Variants in SEM1 observed in about 807,000 individuals in gnomAD.
The protein encoded by SEM1 is SEM1 26S proteasome subunit.
SEM1 carries 3 observed loss-of-function variants against 12.7 expected under a neutral mutation model. The observed-to-expected ratio is 0.24, with a 90% CI of 0.11 to 0.61. The LOEUF (loss-of-function observed/expected upper bound fraction) is 0.61. Ranked by LOEUF, SEM1 falls within the 20% of genes least tolerant of loss-of-function variation. SEM1 has a pLI of 0.88. For synonymous variants in SEM1, 30 were observed against 27.8 expected, an observed-to-expected ratio of 1.08 and a Z score of -0.25; for missense variants, 59 against 81.3, an observed-to-expected ratio of 0.73 and a Z score of 1.06.
chr7:96,630,990 G>A (rs1808241699), intron 2 of SEM1, among the ~76,000 whole-genome samples: 1 of 152,166 alleles, frequency 6.6e-6, no homozygotes. Flanking sequence ...TCCTGCTGTG[G>A]CTGAGCTTAT....
chr7:96,522,568 GA>G (rs765064779), intron 2 of SEM1, among the ~76,000 whole-genome samples: 1,656 of 127,172 alleles, frequency 0.013, 17 homozygotes, highest in Admixed American at 0.033. Context: ...TGCTTTGTGA[GA>G]AAAAAAAAAA....
At chr7:96,704,409 T>C (rs1790381616) in intron 1 of SEM1, among the ~76,000 whole-genome samples, 1 of 152,168 alleles carries the variant, frequency 6.6e-6, no homozygotes, top group South Asian at 2.1e-4. Flanking sequence ...TTATCCTATA[T>C]AATATACTAC....
At chr7:96,673,415 TC>T (rs1055853390), downstream of SEM1, 2 of 212,864 alleles carry the variant, frequency 9.4e-6, no homozygotes, top group African/African-American at 4.5e-5. Flanking sequence ...GTGCCTGACC[TC>T]CTTTTTATAT....
At chr7:96,497,414 T>C (rs1563030161), upstream of SEM1, among the ~76,000 whole-genome samples, 1 of 152,092 alleles carries the variant, frequency 6.6e-6, no homozygotes, top group South Asian at 2.1e-4. Context: ...CCAAATATTT[T>C]CAGAAGTGGA....
At position 96,617,388 on chromosome 7, in the gene SEM1, A is replaced by C. The variant is rs543989504; in HGVS notation, c.170+77410T>G. Among the ~76,000 whole-genome samples the C allele has an allele frequency of 2.0e-5, 3 of 152,232 alleles. No individual in the cohort carries two copies. In the South Asian group the frequency reaches 6.2e-4, roughly 32 times the overall value. On this transcript the variant is annotated intron_variant and NMD_transcript_variant, in intron 2 of 3. Transcript: ENST00000466986. ...GAAACACTGCTGATTTCTGTACATT[A>C]ATTTTGGACAGAAACTACTGAATTT...
intron 2 of SEM1, among the ~76,000 whole-genome samples, chr7:96,680,028 C>T (rs1789559356): frequency 1.3e-5 from 2 of 152,002 alleles, no homozygotes; most frequent in South Asian, 2.1e-4. Context: ...ATGGGTCATA[C>T]CAGAAGATAC....
At chr7:96,661,553 G>A (rs1789001063) in intron 2 of SEM1, among the ~76,000 whole-genome samples, 1 of 152,302 alleles carries the variant, frequency 6.6e-6, no homozygotes, top group South Asian at 2.1e-4. Context: ...GACTAGGGTA[G>A]TGTGGTACTA....
At chr7:96,604,981 A>G (rs1807302221) in intron 2 of SEM1, among the ~76,000 whole-genome samples, 1 of 152,058 alleles carries the variant, frequency 6.6e-6, no homozygotes, top group Non-Finnish European at 1.5e-5. Context: ...AATAGCTAGA[A>G]TCAAATCCAA....
At chr7:96,551,241 T>C (rs1805259554) in intron 2 of SEM1, among the ~76,000 whole-genome samples, 1 of 152,162 alleles carries the variant, frequency 6.6e-6, no homozygotes. Flanking sequence ...CATAATAGGT[T>C]GAATGGTGCA....
At chr7:96,485,376 T>C (rs1466468831) in intron 2 of SEM1, among the ~76,000 whole-genome samples, 1 of 151,950 alleles carries the variant, frequency 6.6e-6, no homozygotes, top group African/African-American at 2.4e-5. Context: ...ATTCCTTGAC[T>C]TTTTCAGCAT....
chr7:96,670,083 C>T (rs1789274006), downstream of SEM1, among the ~76,000 whole-genome samples: 2 of 152,146 alleles, frequency 1.3e-5, no homozygotes, highest in Admixed American at 6.6e-5. Flanking sequence ...ATTGAAACCA[C>T]TTTAAATACT....
At chr7:96,692,130 C>A (rs948882132) in intron 2 of SEM1, among the ~76,000 whole-genome samples, 10 of 152,018 alleles carry the variant, frequency 6.6e-5, no homozygotes, top group Non-Finnish European at 1.5e-4. Context: ...CAGTAAGCCA[C>A]AAATATATAA....
intron 2 of SEM1, among the ~76,000 whole-genome samples, chr7:96,522,549 T>G (rs1804311191): frequency 6.7e-6 from 1 of 148,302 alleles, no homozygotes; most frequent in African/African-American, 2.5e-5. Context: ...TATGCAGAGC[T>G]CAGCACAGTG....
intron 2 of SEM1, among the ~76,000 whole-genome samples, chr7:96,583,217 A>C (rs1033224149): frequency 1.1e-4 from 16 of 148,068 alleles, no homozygotes; most frequent in Admixed American, 8.2e-4. Flanking sequence ...TTCTGCCTTC[A>C]TTTCGTTATG....
intron 1 of SEM1, among the ~76,000 whole-genome samples, chr7:96,702,746 A>C (rs1011664725): frequency 6.6e-6 from 1 of 152,236 alleles, no homozygotes; most frequent in African/African-American, 2.4e-5. Flanking sequence ...AGGCCTAACA[A>C]ACACCACCTT....
chr7:96,497,276 G>A (rs1209641068), upstream of SEM1, among the ~76,000 whole-genome samples: 1 of 151,776 alleles, frequency 6.6e-6, no homozygotes, highest in Non-Finnish European at 1.5e-5. Flanking sequence ...TTTCTTTTAG[G>A]GAAAATTTTA....
chr7:96,659,487 T>C (rs1189439857), intron 2 of SEM1, among the ~76,000 whole-genome samples: 5 of 152,108 alleles, frequency 3.3e-5, no homozygotes, highest in Admixed American at 3.3e-4. Flanking sequence ...CCAGAGGAGA[T>C]AGAGAAACTT....
At chr7:96,627,070 C>T (rs529879676) in intron 2 of SEM1, among the ~76,000 whole-genome samples, 3 of 152,052 alleles carry the variant, frequency 2.0e-5, no homozygotes, top group South Asian at 4.1e-4. Flanking sequence ...ACTTTATTGG[C>T]ATCTAATGAT....
intron 2 of SEM1, among the ~76,000 whole-genome samples, chr7:96,663,421 A>C (rs1172668117): frequency 6.6e-6 from 1 of 152,236 alleles, no homozygotes; most frequent in Non-Finnish European, 1.5e-5. Flanking sequence ...TGCTGGGGAC[A>C]GCACCTGTGA....
Sources: allele counts gnomAD v4.1 joint callset (sites outside exome capture counted in the v4.1 genomes callset), GRCh38; gene constraint gnomAD v4.1.1; transcripts MANE v1.5; gene names NCBI Gene and HGNC (gene_info 2026-07-23, HGNC 2026-07-21).